The following LRP1 variants were observed in gnomAD, a reference collection of about 807,000 sequenced individuals.
The protein encoded by LRP1 is prolow-density lipoprotein receptor-related protein 1.
LRP1 carries 51 observed loss-of-function variants against 541.5 expected under a neutral mutation model. That is an observed-to-expected ratio of 0.09 (90% confidence interval 0.08 to 0.12). LRP1 has a LOEUF of 0.12. Ranked by LOEUF, LRP1 falls within the 10% of genes least tolerant of loss-of-function variation. LRP1 has a pLI of 1.00. For missense variants in LRP1, 3,878 were observed against 6,376.2 expected (o/e 0.61, Z 13.34); for synonymous variants, 2,219 against 2,470.8 (o/e 0.90, Z 3.02).
At chr12:57,194,317 G>T (rs748234452) in intron 48 of LRP1, 37 bp from the exon 49 acceptor site, 68 of 1,505,674 alleles carry the variant, frequency 4.5e-5, no homozygotes, top group Non-Finnish European at 5.8e-5. Flanking sequence ...GTGATCCAGG[G>T]GGAACCAGGT....
intron 20 of LRP1, among the ~76,000 whole-genome samples, chr12:57,169,747 G>C (rs919038255): frequency 3.9e-5 from 6 of 152,212 alleles, no homozygotes; most frequent in African/African-American, 1.4e-4. Context: ...AGAAAAGGAT[G>C]CTGCAGGCAG....
chr12:57,201,752 T>C lies in LRP1; in HGVS notation c.10469-28T>C. 1 of 1,612,900 alleles carries C rather than the reference T, an allele frequency of 6.2e-7. No homozygotes were observed. The highest frequency in any genetic ancestry group is 1.1e-5 in the South Asian group (1 of 90,994). ...CGGCACACTCCTGGAAGGAGTCTCATCCTCACCCCATGCCCACCCGCTTGC... is the reference window on the plus strand; with the variant it reads ...CGGCACACTCCTGGAAGGAGTCTCACCCTCACCCCATGCCCACCCGCTTGC... On this transcript the variant is annotated intron_variant, in intron 66 of 88. Transcript: ENST00000243077. The surrounding 1 kb of genome is among the most constrained non-coding windows in gnomAD (Gnocchi z 6.4).
chr12:57,185,594 G>T lies in LRP1; in HGVS notation c.6527G>T (p.Gly2176Val). Residue 2176 changes from glycine (G) to valine (V), a missense_variant, in exon 41 of 89, where the codon GGG (glycine) becomes GTG (valine). Physicochemically the swap from Gly to Val is moderately radical, Grantham distance 109 (BLOSUM62 -3). Around this residue, in one of 13 missense-constraint regions of LRP1, gnomAD observed 1,100 missense variants for 1,827.4 expected, o/e 0.60. Transcript: ENST00000243077. The surrounding 1 kb of genome is among the most constrained non-coding windows in gnomAD (Gnocchi z 4.9). ...CQQLCLYRGR[G>V]QRACACAHGM... is the part of the protein sequence containing the mutation. The stretch of plus-strand genomic sequence containing the variant: ...CAGCTGTGCCTGTACCGGGGCCGTG[G>T]GCAGCGGGCCTGCGCCTGTGCCCAC... 1 of 1,606,944 alleles carries T rather than the reference G, an allele frequency of 6.2e-7. No individual in the cohort carries two copies.
Position 57,141,514 on chromosome 12 carries a change from A to G in LRP1, c.328+3A>G, listed in dbSNP as rs377339227. ...AGATGAGGGGCCCCACTGCCGAGGT[A>G]AGGACTTTTCCACTCTCTACTCTCC... On this transcript the variant is annotated splice_donor_region_variant and intron_variant, in intron 3 of 88. Transcript: ENST00000243077. 6.2e-6 allele frequency: 10 copies of G among 1,614,048 alleles called. No homozygotes were observed. The highest frequency in any genetic ancestry group is 8.5e-6 in the Non-Finnish European group (10 of 1,180,026).
intron 34 of LRP1, 49 bp downstream of exon 34, chr12:57,181,340 A>T: frequency 3.8e-6 from 6 of 1,562,280 alleles, no homozygotes; most frequent in Non-Finnish European, 4.3e-6. Flanking sequence ...CCCAACCCTG[A>T]CCCCTCCTAC....
chr12:57,183,596 C>T lies in LRP1; in HGVS notation c.5794+86C>T, dbSNP rs981644212. 3.7e-5 allele frequency: 57 copies of T among 1,527,926 alleles called. No individual in the cohort carries two copies. The South Asian group carries it at 7.1e-4, about 19-fold the overall frequency. 94.6% of individuals were successfully genotyped at this position (1,527,926 alleles called of 1,614,324 possible). On this transcript the variant is annotated intron_variant, in intron 35 of 88. Transcript: ENST00000243077. This position sits in a 1 kb window ranked among gnomAD's most constrained non-coding sequence, Gnocchi z 6.1. ...TGTGCCCTGAGGGTCCAGTGAGAGG[C>T]TGCCTGAATTGGCCTGAGGTGGGGC...
rs764000860 is a variant in LRP1, at chr12:57,183,831, C to A, written c.5851C>A (p.Arg1951=). Residue 1951 remains arginine, a synonymous_variant, in exon 36 of 89, where the codon CGG becomes AGG. Transcript: ENST00000243077. The surrounding 1 kb of genome is among the most constrained non-coding windows in gnomAD (Gnocchi z 6.1). ...CCTGAGCACGATCAGCCGGGCCAAG[C>A]GGGACCAGACGTGGCGTGAAGACGT... is the stretch of plus-strand genomic sequence containing the variant. The part of the protein sequence containing the change: ...MGLSTISRAK[R]DQTWREDVVT... 1 of 1,614,136 alleles carries A rather than the reference C, an allele frequency of 6.2e-7. No individual in the cohort carries two copies. Among genetic ancestry groups the A allele is most frequent in the Non-Finnish European group, 8.5e-7 (1 of 1,180,030 alleles).
Position 57,210,455 on chromosome 12 carries a change from G to C in LRP1, c.12729G>C (p.Gly4243=). 6.5e-7 allele frequency: 1 copy of C among 1,540,842 alleles called. No homozygotes were observed. Among genetic ancestry groups the C allele is most frequent in the Non-Finnish European group, 8.8e-7 (1 of 1,140,122 alleles). ...AGTGCTGGGAGCACTGTCGCAATGG[G>C]GGCACCTGTGCTGCCTCCCCCTCTG... ...LDQCWEHCRN[G]GTCAASPSGM... The change falls in exon 82 of 89, where the codon GGG becomes GGC. Residue 4243 remains glycine, a synonymous_variant. Transcript: ENST00000243077.
chr12:57,205,920 C>T lies in LRP1; in HGVS notation c.11590+243C>T. 1 of 586,006 alleles carries T rather than the reference C, an allele frequency of 1.7e-6. No individual in the cohort carries two copies. Among genetic ancestry groups the T allele is most frequent in the Non-Finnish European group, 3.0e-6 (1 of 331,190 alleles). 36.3% of individuals were successfully genotyped at this position (586,006 alleles called of 1,614,324 possible). A position where few individuals can be genotyped will look rare whatever the true frequency, so the allele number is the denominator to read the frequency against. On this transcript the variant is annotated intron_variant, in intron 75 of 88. Coordinates refer to ENST00000243077, the MANE Select transcript of LRP1 (RefSeq NM_002332.3). This position sits in a 1 kb window ranked among gnomAD's most constrained non-coding sequence, Gnocchi z 4.6. ...TGAATTGCACACACACCTCCTCACC[C>T]ACCACTGCCAGGACGAGAGTACACT...
rs558649900 is a variant in LRP1, at chr12:57,211,245, G to T, written c.12986G>T (p.Arg4329Leu). 5 of 1,614,068 alleles carry T rather than the reference G, an allele frequency of 3.1e-6. No homozygotes were observed. The highest frequency in any genetic ancestry group is 1.1e-5 in the South Asian group (1 of 91,092). The change falls in exon 84 of 89, where the codon CGC becomes CTC. Residue 4329 changes from arginine to leucine, a missense_variant. By Grantham distance (102) the Arg-to-Leu change is moderately radical (BLOSUM62 -2). Transcript: ENST00000243077. The surrounding 1 kb of genome is among the most constrained non-coding windows in gnomAD (Gnocchi z 4.3). Reference sequence around the variant, plus strand: ...GCTGCTGATGGCTCCCGACAATGCCGCTGCACTGCCTACTTTGAGGGATCG... The same window carrying T: ...GCTGCTGATGGCTCCCGACAATGCCTCTGCACTGCCTACTTTGAGGGATCG... ...QMAADGSRQC[R>L]CTAYFEGSRC... is the part of the protein sequence containing the mutation.
At position 57,173,058 on chromosome 12, in the gene LRP1, C is replaced by A; in HGVS notation, c.3164-110C>A. ...AAGCTTGGCAGACTCTCCAGGCCTG[C>A]CTCTGCTCATATCCCCAGGCTGGGC... On this transcript the variant is annotated intron_variant, in intron 20 of 88. Coordinates refer to ENST00000243077, the MANE Select transcript of LRP1 (RefSeq NM_002332.3). This position sits in a 1 kb window ranked among gnomAD's most constrained non-coding sequence, Gnocchi z 4.7. 1.2e-6 allele frequency: 1 copy of A among 848,670 alleles called. No individual in the cohort carries two copies. Among genetic ancestry groups the A allele is most frequent in the Non-Finnish European group, 1.8e-6 (1 of 554,242 alleles). 52.6% of individuals were successfully genotyped at this position (848,670 alleles called of 1,614,324 possible).
chr12:57,177,252 A>T lies in LRP1; in HGVS notation c.4196+7A>T. 1 of 1,612,774 alleles carries T rather than the reference A, an allele frequency of 6.2e-7. No homozygotes were observed. On this transcript the variant is annotated splice_region_variant and intron_variant, in intron 25 of 88. Coordinates refer to ENST00000243077, the MANE Select transcript of LRP1 (RefSeq NM_002332.3). The surrounding 1 kb of genome is among the most constrained non-coding windows in gnomAD (Gnocchi z 6.8). ...CACTGGATCCCCGGGATGGGTGAGG[A>T]CCTTGCCCAGCCTTCTCCTGGCCCC...
In LRP1 at chr12:57,211,699, G is replaced by A. The variant is rs1288955063; in HGVS notation, c.13194-51G>A. The A allele has an allele frequency of 2.5e-6, 4 of 1,600,224 alleles. No homozygotes were observed. In the South Asian group the frequency reaches 3.3e-5, roughly 13 times the overall value. The stretch of plus-strand genomic sequence containing the variant: ...CACCCCCCGCCCTGTTTTCCTGGCA[G>A]CAGTGGCTATGGAGGTTATACCTAC... On this transcript the variant is annotated intron_variant, in intron 85 of 88. Transcript: ENST00000243077. The surrounding 1 kb of genome is among the most constrained non-coding windows in gnomAD (Gnocchi z 4.3).
At chr12:57,199,090 A>C in intron 60 of LRP1, 122 bp from the exon 61 acceptor site, 4 of 877,846 alleles carry the variant, frequency 4.6e-6, no homozygotes, top group Non-Finnish European at 7.4e-6. Context: ...ACCATGAACC[A>C]TCTGTAACTG....
rs770686787 is a variant in LRP1, at chr12:57,198,268, A to G, written c.9395A>G (p.Asn3132Ser). 17 of 1,613,802 alleles carry G rather than the reference A, an allele frequency of 1.1e-5. No homozygotes were observed. In the Admixed American group the frequency reaches 1.5e-4, roughly 14 times the overall value. Residue 3132 changes from asparagine (N) to serine (S), a missense_variant, in exon 59 of 89, where the codon AAT becomes AGT. Around this residue, in one of 13 missense-constraint regions of LRP1, gnomAD observed 1,100 missense variants for 1,827.4 expected, o/e 0.60. Transcript: ENST00000243077. ...GACACCATCGAGGTGTCCAAGCTCA[A>G]TGGGGCCTATCGGACGGTGCTGGTC... ...GRDTIEVSKL[N>S]GAYRTVLVSS...
chr12:57,149,766 G>A (rs763246388), intron 6 of LRP1: 10 of 713,994 alleles, frequency 1.4e-5, no homozygotes, highest in Non-Finnish European at 2.6e-5. Flanking sequence ...AGCTGAAGTC[G>A]GGACCCAGCA....
In LRP1 at chr12:57,162,669, A is replaced by C; in HGVS notation, c.2404+151A>C. 9.2e-7 allele frequency: 1 copy of C among 1,085,158 alleles called. No individual in the cohort carries two copies. The highest frequency in any genetic ancestry group is 1.3e-6 in the Non-Finnish European group (1 of 752,964). The allele number at this position is 1,085,158 out of a possible 1,614,324, so 67.2% of individuals were successfully genotyped here. Reference sequence around the variant, plus strand: ...CTGAGAAGAGAACTCCCCCAACACAATCTGATTCTCTGTTCCCCATTTCCC... The same window carrying C: ...CTGAGAAGAGAACTCCCCCAACACACTCTGATTCTCTGTTCCCCATTTCCC... On this transcript the variant is annotated intron_variant, in intron 14 of 88. Transcript: ENST00000243077. This position sits in a 1 kb window ranked among gnomAD's most constrained non-coding sequence, Gnocchi z 5.2.
At position 57,175,578 on chromosome 12, in the gene LRP1, G is replaced by A; in HGVS notation, c.3666G>A (p.Gln1222=). The change falls in exon 23 of 89, where the codon CAG becomes CAA. Residue 1222 remains glutamine, a synonymous_variant. Coordinates refer to ENST00000243077, the MANE Select transcript of LRP1 (RefSeq NM_002332.3). Reference sequence around the variant, plus strand: ...TGGGGCCCGACAACCACACCTGCCAGATCCAGAGCTACTGTGCCAAGCATC... The same window carrying A: ...TGGGGCCCGACAACCACACCTGCCAAATCCAGAGCTACTGTGCCAAGCATC... ...MELGPDNHTC[Q]IQSYCAKHLK... The A allele has an allele frequency of 3.1e-6, 5 of 1,614,154 alleles. No individual in the cohort carries two copies. Among genetic ancestry groups the A allele is most frequent in the Non-Finnish European group, 4.2e-6 (5 of 1,179,990 alleles).
intron 20 of LRP1, among the ~76,000 whole-genome samples, chr12:57,170,576 T>C (rs1367068902): frequency 2.0e-5 from 3 of 151,878 alleles, no homozygotes; most frequent in Admixed American, 1.3e-4. Flanking sequence ...TCCTATCACT[T>C]TGGGAGGCAA....
Sources: allele counts gnomAD v4.1 joint callset (sites outside exome capture counted in the v4.1 genomes callset), GRCh38; gene constraint gnomAD v4.1.1; regional missense constraint gnomAD v4.1.1; non-coding constraint Gnocchi (gnomAD v3.1); transcripts MANE v1.5; gene names NCBI Gene and HGNC (gene_info 2026-07-23, HGNC 2026-07-21).